The following NFRKB variants were observed in gnomAD, a reference collection of about 807,000 sequenced individuals.
The protein encoded by NFRKB is nuclear factor related to kappaB binding protein, also known as nuclear factor related to kappa-B-binding protein.
NFRKB carries 62 observed loss-of-function variants against 135.7 expected under a neutral mutation model. The observed-to-expected ratio is 0.46, with a 90% CI of 0.37 to 0.56. The LOEUF (loss-of-function observed/expected upper bound fraction) is 0.56. Among genes scored for constraint, NFRKB ranks in the 20% least tolerant of loss-of-function variants. NFRKB has a pLI of 0.00. For synonymous variants in NFRKB, 678 were observed against 635.6 expected (o/e 1.07, Z -1.00); for missense variants, 1,545 against 1,662.0 (o/e 0.93, Z 1.22).
At position 129,869,911 on chromosome 11, in the gene NFRKB, A is replaced by G; in HGVS notation, c.3114T>C (p.Gly1038=). 1 of 1,614,242 alleles carries G rather than the reference A, an allele frequency of 6.2e-7. No homozygotes were observed. The highest frequency in any genetic ancestry group is 8.5e-7 in the Non-Finnish European group (1 of 1,180,034). The change falls in exon 24 of 27, where the codon GGT becomes GGC. Residue 1038 remains glycine, a synonymous_variant. Coordinates refer to ENST00000682444, the MANE Select transcript of NFRKB (RefSeq NM_001143835.2). ...CAGGAGTCACTTTGACCACAGTGGT[A>G]CCTGTTGGAGTGGATGAAGGGGCAC... ...SASAPSSTPT[G]TTVVKVTPDL...
Position 129,873,014 on chromosome 11 carries a change from G to A in NFRKB, c.2633C>T (p.Thr878Met), listed in dbSNP as rs772831317. Reference protein sequence around the residue: ...QRPGPGQTGLTVTSLPATASP... With the variant: ...QRPGPGQTGLMVTSLPATASP... Reference sequence around the variant, plus strand: ...GGCTGTGGCAGGGAGACTTGTCACCGTGAGCCCTGTCTGCCCGGGTCCAGG... The same window carrying A: ...GGCTGTGGCAGGGAGACTTGTCACCATGAGCCCTGTCTGCCCGGGTCCAGG... The change falls in exon 23 of 27, where the codon ACG becomes ATG. Residue 878 changes from threonine to methionine, a missense_variant. Physicochemically the swap from Thr to Met is moderately conservative, Grantham distance 81. Transcript: ENST00000682444. 3.0e-5 allele frequency: 49 copies of A among 1,614,060 alleles called. No individual in the cohort carries two copies. The highest frequency in any genetic ancestry group is 2.7e-5 in the Non-Finnish European group (32 of 1,180,028).
Position 129,875,374 on chromosome 11 carries a change from C to G in NFRKB, c.1837G>C (p.Asp613His). ...LLKDSQFLAP[D>H]VTSTQVNTVV... ...CGTCCTACCTGAGTGCTGGTGACATCTGGTGCAAGAAACTGGGAGTCCTTA... is the reference window on the plus strand; with the variant it reads ...CGTCCTACCTGAGTGCTGGTGACATGTGGTGCAAGAAACTGGGAGTCCTTA... The change falls in exon 18 of 27, where the codon GAT (aspartate) becomes CAT (histidine). Residue 613 changes from aspartate (D) to histidine (H), a missense_variant. Physicochemically the swap from Asp to His is moderately conservative, Grantham distance 81. Transcript: ENST00000682444. 9 of 1,613,108 alleles carry G rather than the reference C, an allele frequency of 5.6e-6. No individual in the cohort carries two copies. The highest frequency in any genetic ancestry group is 1.1e-5 in the South Asian group (1 of 90,566).
chr11:129,883,269 T>C, intron 8 of NFRKB, 63 bp from the exon 9 acceptor site: 1 of 1,275,058 alleles, frequency 7.8e-7, no homozygotes, highest in South Asian at 1.2e-5. Flanking sequence ...TGAGGTGACT[T>C]TGCCAATTTA....
At chr11:129,867,322 CTTTT>C (rs894926200) in intron 24 of NFRKB, among the ~76,000 whole-genome samples, 6 of 129,520 alleles carry the variant, frequency 4.6e-5, no homozygotes, top group East Asian at 4.3e-4. Context: ...CTAAGTAACT[CTTTT>C]TTTTTTTTTT....
In NFRKB at chr11:129,876,919, G is replaced by C. The variant is rs552652252; in HGVS notation, c.1573-24C>G. ...TCCTACCAAGAGACAAGGGACAAGA[G>C]TTCTAGGTCAGAATTAGTGGGGTTC... is the stretch of plus-strand genomic sequence containing the variant. On this transcript the variant is annotated intron_variant, in intron 16 of 26. Coordinates refer to ENST00000682444, the MANE Select transcript of NFRKB (RefSeq NM_001143835.2). The C allele has an allele frequency of 6.8e-6, 11 of 1,606,206 alleles. No individual in the cohort carries two copies. The East Asian group carries it at 2.5e-4, about 36-fold the overall frequency.
chr11:129,878,501 T>A lies in NFRKB; in HGVS notation c.1427A>T (p.Gln476Leu). Residue 476 changes from glutamine (Q) to leucine (L), a missense_variant, in exon 14 of 27, where the codon CAG becomes CTG. By Grantham distance (113) the Gln-to-Leu change is moderately radical. Around this residue, in one of 3 missense-constraint regions of NFRKB, gnomAD observed 678 missense variants for 646.7 expected, o/e 1.05. Coordinates refer to ENST00000682444, the MANE Select transcript of NFRKB (RefSeq NM_001143835.2). Reference sequence around the variant, plus strand: ...CTGATCTTTGGTCTCTAGCCATAGCTGGAAGAGGGCAGCTAATTCCTTTTC... The same window carrying A: ...CTGATCTTTGGTCTCTAGCCATAGCAGGAAGAGGGCAGCTAATTCCTTTTC... ...DNEKELAALF[Q>L]LWLETKDQAF... 1 of 1,614,198 alleles carries A rather than the reference T, an allele frequency of 6.2e-7. No homozygotes were observed. Among genetic ancestry groups the A allele is most frequent in the Non-Finnish European group, 8.5e-7 (1 of 1,180,012 alleles).
At chr11:129,882,938 A>G (rs1949099738) in intron 9 of NFRKB, among the ~76,000 whole-genome samples, 184 bp downstream of exon 9, 1 of 152,166 alleles carries the variant, frequency 6.6e-6, no homozygotes, top group African/African-American at 2.4e-5. Context: ...AATATTTATT[A>G]AAGAGCTGAT....
At position 129,873,030 on chromosome 11, in the gene NFRKB, C is replaced by A; in HGVS notation, c.2617G>T (p.Gly873Trp). The A allele has an allele frequency of 6.2e-7, 1 of 1,614,086 alleles. No homozygotes were observed. Among genetic ancestry groups the A allele is most frequent in the Non-Finnish European group, 8.5e-7 (1 of 1,180,000 alleles). ...TAATVQRPGP[G>W]QTGLTVTSLP... ...CTTGTCACCGTGAGCCCTGTCTGCC[C>A]GGGTCCAGGCCGCTGCACAGTGGCT... Residue 873 changes from glycine to tryptophan, a missense_variant, in exon 23 of 27, where the codon GGG (glycine) becomes TGG (tryptophan). This residue lies in a region of NFRKB where 753 missense variants were observed against 804.3 expected (regional missense o/e 0.94). Transcript: ENST00000682444.
Position 129,864,829 on chromosome 11 carries a change from C to T in NFRKB, c.3796G>A (p.Ala1266Thr), listed in dbSNP as rs757881459. 2.5e-6 allele frequency: 4 copies of T among 1,614,144 alleles called. No homozygotes were observed. In the Admixed American group the frequency reaches 6.7e-5, roughly 27 times the overall value. Residue 1266 changes from alanine (A) to threonine (T), a missense_variant, in exon 27 of 27, where the codon GCA (alanine) becomes ACA (threonine). Transcript: ENST00000682444. ...GCTGTTCCCTGTTGGAGATGGGATG[C>T]AGGGACAGTCTGGATGCGCACCTGT... is the stretch of plus-strand genomic sequence containing the variant. ...ATQVRIQTVP[A>T]SHLQQGTASG...
chr11:129,881,575 G>A, intron 12 of NFRKB, 67 bp from the exon 13 acceptor site: 2 of 1,604,008 alleles, frequency 1.2e-6, no homozygotes, highest in Admixed American at 1.7e-5. Context: ...CAGCTTTTGA[G>A]TGTTCCACAA....
chr11:129,888,504 AAAG>A (rs1422086084), intron 4 of NFRKB, 87 bp downstream of exon 4: 1 of 1,277,966 alleles, frequency 7.8e-7, no homozygotes, highest in African/African-American at 1.5e-5. Context: ...ATGAAGATAA[AAAG>A]AAGAAAAGGA....
intron 8 of NFRKB, 82 bp from the exon 9 acceptor site, chr11:129,883,288 T>G (rs1949117686): frequency 1.1e-6 from 1 of 944,386 alleles, no homozygotes; most frequent in Admixed American, 1.8e-5. Context: ...TATGTAACAA[T>G]TAGATGTTAG....
chr11:129,873,135 T>C (rs1202784295), intron 22 of NFRKB, 39 bp from the exon 23 acceptor site: 1 of 1,507,640 alleles, frequency 6.6e-7, no homozygotes, highest in Non-Finnish European at 9.0e-7. Flanking sequence ...AATTAGACTC[T>C]AAGATGCAGA....
chr11:129,886,970 G>A (rs947255468), intron 4 of NFRKB, among the ~76,000 whole-genome samples: 7 of 152,164 alleles, frequency 4.6e-5, no homozygotes, highest in African/African-American at 1.7e-4. Context: ...CACCAAAGAA[G>A]GGAATGTTCA....
rs201344973 is a variant in NFRKB, at chr11:129,864,880, T to C, written c.3775-30A>G. The stretch of plus-strand genomic sequence containing the variant: ...TTGCAAAGACAGAAGGTCAGGTCAA[T>C]GGATTGCAAGCGGGCTCACCAGTTA... On this transcript the variant is annotated intron_variant, in intron 26 of 26. Coordinates refer to ENST00000682444, the MANE Select transcript of NFRKB (RefSeq NM_001143835.2). 518 of 1,614,056 alleles carry C rather than the reference T, an allele frequency of 3.2e-4. 2 individuals are homozygous for C. The African/African-American group carries it at 5.8e-3, about 18-fold the overall frequency.
In NFRKB at chr11:129,874,419, C is replaced by T. The variant is rs1175424047; in HGVS notation, c.2058+82G>A. The stretch of plus-strand genomic sequence containing the variant: ...CACCCCTACAGCTCCTGATGCCCCA[C>T]ACCAAGTGAAAGCCGAGCAGCCACT... On this transcript the variant is annotated intron_variant, in intron 20 of 26. Coordinates refer to ENST00000682444, the MANE Select transcript of NFRKB (RefSeq NM_001143835.2). The surrounding 1 kb of genome is among the most constrained non-coding windows in gnomAD (Gnocchi z 4.5). 6 of 1,553,006 alleles carry T rather than the reference C, an allele frequency of 3.9e-6. No individual in the cohort carries two copies. The Admixed American group carries it at 1.2e-4, about 31-fold the overall frequency.
At chr11:129,889,617 G>A (rs1465143853) in intron 3 of NFRKB, among the ~76,000 whole-genome samples, 1 of 120,178 alleles carries the variant, frequency 8.3e-6, no homozygotes, top group African/African-American at 2.7e-5. Flanking sequence ...CTGAGGTGGG[G>A]AACAATTAAA....
At chr11:129,887,330 A>C (rs1452849602) in intron 4 of NFRKB, among the ~76,000 whole-genome samples, 1 of 152,168 alleles carries the variant, frequency 6.6e-6, no homozygotes, top group African/African-American at 2.4e-5. Flanking sequence ...ATCATCCCAC[A>C]CTGCTTCTTA....
In NFRKB at chr11:129,873,042, G is replaced by A. The variant is rs563107117; in HGVS notation, c.2605C>T (p.Arg869Trp). Residue 869 changes from arginine (R) to tryptophan (W), a missense_variant, in exon 23 of 27, where the codon CGG (arginine) becomes TGG (tryptophan). Transcript: ENST00000682444. ...AGCCCTGTCTGCCCGGGTCCAGGCCGCTGCACAGTGGCTGCCGTAGTCTGC... is the reference window on the plus strand; with the variant it reads ...AGCCCTGTCTGCCCGGGTCCAGGCCACTGCACAGTGGCTGCCGTAGTCTGC... The part of the protein sequence containing the change: ...KAQTTAATVQ[R>W]PGPGQTGLTV... 24 of 1,613,778 alleles carry A rather than the reference G, an allele frequency of 1.5e-5. No individual in the cohort carries two copies. Among genetic ancestry groups the A allele is most frequent in the African/African-American group, 5.3e-5 (4 of 75,052 alleles).
Sources: allele counts gnomAD v4.1 joint callset (sites outside exome capture counted in the v4.1 genomes callset), GRCh38; gene constraint gnomAD v4.1.1; regional missense constraint gnomAD v4.1.1; non-coding constraint Gnocchi (gnomAD v3.1); transcripts MANE v1.5; gene names NCBI Gene and HGNC (gene_info 2026-07-23, HGNC 2026-07-21).